The following MEOX1 variants were observed in gnomAD, a reference collection of about 807,000 sequenced individuals.
MEOX1 encodes homeobox protein MOX-1.
A neutral mutation model predicts 23.2 loss-of-function variants in MEOX1; 17 were observed. That is an observed-to-expected ratio of 0.73 (90% CI 0.50 to 1.10). The LOEUF (loss-of-function observed/expected upper bound fraction) is 1.10, where lower values mean the gene tolerates loss of function less well. MEOX1 is among the 50% of genes least tolerant of loss of function. The probability of loss-of-function intolerance (pLI) is 0.00; values close to 1 mark genes in which losing one functional copy is unlikely to be tolerated. For synonymous variants in MEOX1, 134 were observed against 135.1 expected (o/e 0.99, Z 0.06); for missense variants, 333 against 332.2 (o/e 1.00, Z -0.02).
intron 1 of MEOX1, among the ~76,000 whole-genome samples, chr17:43,660,198 G>A (rs575070614): frequency 3.3e-5 from 5 of 152,342 alleles, no homozygotes; most frequent in Admixed American, 2.6e-4. Flanking sequence ...ACCAGGGAGG[G>A]CCTGGTGGGG....
At chr17:43,652,615 A>G (rs1252429974) in intron 1 of MEOX1, among the ~76,000 whole-genome samples, 1 of 152,050 alleles carries the variant, frequency 6.6e-6, no homozygotes, top group Non-Finnish European at 1.5e-5. Flanking sequence ...CACAGCCAGG[A>G]AGTTGTGGAT....
At position 43,643,021 on chromosome 17, in the gene MEOX1, C is replaced by T. The variant is rs533030112; in HGVS notation, c.642+467G>A. ...CAGACATCAGCACTATTAAAATCTCCCCAGGGGCCGGGCGCAGTGGCTCAC... is the reference window on the plus strand; with the variant it reads ...CAGACATCAGCACTATTAAAATCTCTCCAGGGGCCGGGCGCAGTGGCTCAC... On this transcript the variant is annotated intron_variant, in intron 2 of 2. Coordinates refer to ENST00000318579, the MANE Select transcript of MEOX1 (RefSeq NM_004527.4). Among the ~76,000 whole-genome samples, 9 of 152,270 alleles carry T rather than the reference C, an allele frequency of 5.9e-5. No individual in the cohort carries two copies. In the South Asian group the frequency reaches 1.9e-3, roughly 32 times the overall value.
intron 1 of MEOX1, 134 bp downstream of exon 1, chr17:43,660,932 T>C (rs1973125872): frequency 1.9e-6 from 1 of 525,810 alleles, no homozygotes; most frequent in Non-Finnish European, 3.3e-6. Context: ...ACCCCAAAGG[T>C]AACTGGTCCA....
At chr17:43,657,046 C>CTTTCTTTCT (rs1230104911) in intron 1 of MEOX1, among the ~76,000 whole-genome samples, 18 of 136,436 alleles carry the variant, frequency 1.3e-4, no homozygotes, top group Admixed American at 2.3e-4. Flanking sequence ...TTCTTTCTTT[C>CTTTCTTTCT]TTTCTTTCTT....
chr17:43,660,565 T>G (rs1973117036), intron 1 of MEOX1, among the ~76,000 whole-genome samples: 2 of 152,198 alleles, frequency 1.3e-5, no homozygotes, highest in African/African-American at 4.8e-5. Flanking sequence ...GCCTCTAGGC[T>G]CCTGGACACA....
chr17:43,656,600 CG>C (rs968676447), intron 1 of MEOX1, among the ~76,000 whole-genome samples: 4 of 152,138 alleles, frequency 2.6e-5, no homozygotes, highest in Non-Finnish European at 5.9e-5. Flanking sequence ...AGACAAATCA[CG>C]TCTGATTAAA....
intron 1 of MEOX1, among the ~76,000 whole-genome samples, chr17:43,651,559 A>G (rs1407409554): frequency 6.6e-6 from 1 of 151,818 alleles, no homozygotes; most frequent in Admixed American, 6.6e-5. Flanking sequence ...GGGGAAAAAA[A>G]AAGAAAAGAA....
At chr17:43,643,992 G>A (rs1294791851) in intron 1 of MEOX1, among the ~76,000 whole-genome samples, 1 of 147,698 alleles carries the variant, frequency 6.8e-6, no homozygotes. Context: ...CATTACTGGT[G>A]GCCATAAGCT....
chr17:43,640,780 G>C lies in MEOX1; in HGVS notation c.*1130C>G, dbSNP rs1972678382. On this transcript the variant is annotated 3_prime_UTR_variant, in exon 3 of 3. Coordinates refer to ENST00000318579, the MANE Select transcript of MEOX1 (RefSeq NM_004527.4). ...TGGGCAGTCCACACACAAAAACCTA[G>C]CATTTCCTCCCACAATAACAGCATT... 1 of 152,130 alleles carries C rather than the reference G, an allele frequency of 6.6e-6. No individual in the cohort carries two copies. Among genetic ancestry groups the C allele is most frequent in the Admixed American group, 6.5e-5 (1 of 15,268 alleles). 9.4% of individuals were successfully genotyped at this position (152,130 alleles called of 1,614,324 possible).
intron 2 of MEOX1, among the ~76,000 whole-genome samples, chr17:43,642,389 G>A (rs571163373): frequency 1.1e-3 from 163 of 152,220 alleles, no homozygotes; most frequent in Middle Eastern, 3.4e-3. Context: ...TTATCCTTAG[G>A]CACATTTATA....
chr17:43,645,687 A>G (rs1444558016), intron 1 of MEOX1, among the ~76,000 whole-genome samples: 2 of 152,154 alleles, frequency 1.3e-5, no homozygotes, highest in Non-Finnish European at 2.9e-5. Flanking sequence ...TAAAGCAGAG[A>G]AGCCGCCTAT....
chr17:43,646,880 G>C (rs1598261488), intron 1 of MEOX1, among the ~76,000 whole-genome samples: 6 of 152,292 alleles, frequency 3.9e-5, no homozygotes, highest in South Asian at 2.1e-4. Context: ...CCAGCTACTC[G>C]GGAGGCTGAG....
chr17:43,643,378 G>T, intron 2 of MEOX1, 110 bp downstream of exon 2: 1 of 1,062,404 alleles, frequency 9.4e-7, no homozygotes, highest in Non-Finnish European at 1.3e-6. Flanking sequence ...GAAAACCGCT[G>T]GACTGGCTGG....
At chr17:43,644,690 C>T (rs1309423783) in intron 1 of MEOX1, among the ~76,000 whole-genome samples, 3 of 152,040 alleles carry the variant, frequency 2.0e-5, no homozygotes, top group Non-Finnish European at 2.9e-5. Flanking sequence ...CCAAGGCGGG[C>T]GGATCACGAG....
chr17:43,660,518 C>T (rs2154589063), intron 1 of MEOX1, among the ~76,000 whole-genome samples: 1 of 152,336 alleles, frequency 6.6e-6, no homozygotes, highest in South Asian at 2.1e-4. Flanking sequence ...CCCCTCACCC[C>T]TTGATTCTCC....
At chr17:43,651,421 T>C (rs1299025983) in intron 1 of MEOX1, among the ~76,000 whole-genome samples, 1 of 151,764 alleles carries the variant, frequency 6.6e-6, no homozygotes, top group Admixed American at 6.6e-5. Context: ...GGGAGAGGCA[T>C]GGGTAGTTCT....
At chr17:43,648,362 G>C (rs989762378) in intron 1 of MEOX1, among the ~76,000 whole-genome samples, 15 of 151,948 alleles carry the variant, frequency 9.9e-5, no homozygotes, top group Admixed American at 7.2e-4. Context: ...CCAGCTACTG[G>C]GAAGGCTGAG....
chr17:43,651,931 C>T (rs3785806), intron 1 of MEOX1, among the ~76,000 whole-genome samples: 18,453 of 152,142 alleles, frequency 0.12, 1,237 homozygotes, highest in East Asian at 0.26. Flanking sequence ...TCAGCAGAAA[C>T]GGACTTTCTC....
rs1262658301 is a variant in MEOX1, at chr17:43,643,474, C to A, written c.642+14G>T. 4 of 1,557,936 alleles carry A rather than the reference C, an allele frequency of 2.6e-6. No individual in the cohort carries two copies. The highest frequency in any genetic ancestry group is 1.7e-6 in the Non-Finnish European group (2 of 1,149,440). ...GAGAGAGCAAAGAAGAGGAGGGGCC[C>A]ACCGGGGGCGCACCTGGCGCTCAGA... On this transcript the variant is annotated intron_variant, in intron 2 of 2. Transcript: ENST00000318579.
Sources: gnomAD v4.1 joint callset for allele counts (sites outside exome capture counted in the v4.1 genomes callset) on GRCh38, gnomAD v4.1.1 for gene constraint, MANE v1.5 for transcripts, NCBI Gene and HGNC (gene_info 2026-07-23, HGNC 2026-07-21) for gene names.